The following RAI14 variants were observed in gnomAD, a reference collection of about 807,000 sequenced individuals.
The protein encoded by RAI14 is ankycorbin.
RAI14 carries 45 observed loss-of-function variants against 115.4 expected under a neutral mutation model. The observed-to-expected ratio is 0.39, with a 90% CI of 0.31 to 0.50. The LOEUF (loss-of-function observed/expected upper bound fraction) is 0.50. Ranked by LOEUF, RAI14 falls within the 20% of genes least tolerant of loss-of-function variation. The pLI, the probability that RAI14 is intolerant of heterozygous loss-of-function variation, is 0.85. For missense variants in RAI14, 939 were observed against 1,131.2 expected (o/e 0.83, Z 2.44); for synonymous variants, 371 against 415.4 (o/e 0.89, Z 1.30).
intron 16 of RAI14, among the ~76,000 whole-genome samples, chr5:34,828,420 A>G (rs1757664491): frequency 6.6e-6 from 1 of 152,186 alleles, no homozygotes; most frequent in African/African-American, 2.4e-5. Flanking sequence ...ATAGAAAGGA[A>G]GCCAGATCAG....
intron 15 of RAI14, 140 bp downstream of exon 15, chr5:34,824,631 C>A: frequency 1.4e-6 from 1 of 708,326 alleles, no homozygotes; most frequent in Non-Finnish European, 2.2e-6. Context: ...TATCTGTCAC[C>A]AAAGCCACAT....
chr5:34,824,469 T>A lies in RAI14; in HGVS notation c.2627T>A (p.Leu876Gln), dbSNP rs371511222. 1.3e-5 allele frequency: 20 copies of A among 1,578,804 alleles called. 1 individual carries two copies. The African/African-American group carries it at 2.2e-4, about 17-fold the overall frequency. ...AGATACGCTGAGAGCTCTTCAAAACTGGAGGAAGATAAAGATAAAAAGGTT... is the reference window on the plus strand; with the variant it reads ...AGATACGCTGAGAGCTCTTCAAAACAGGAGGAAGATAAAGATAAAAAGGTT... Reference protein sequence around the residue: ...MKRYAESSSKLEEDKDKKINE... With the variant: ...MKRYAESSSKQEEDKDKKINE... Residue 876 changes from leucine to glutamine, a missense_variant, in exon 15 of 18, where the codon CTG becomes CAG. Physicochemically the swap from Leu to Gln is moderately radical, Grantham distance 113. Coordinates refer to ENST00000265109, the MANE Select transcript of RAI14 (RefSeq NM_015577.3).
Position 34,664,166 on chromosome 5 carries a change from T to C in RAI14, c.-49+7691T>C, listed in dbSNP as rs574862216. 1.9e-4 allele frequency among the ~76,000 whole-genome samples: 29 copies of C among 152,136 alleles called. No individual in the cohort carries two copies. In the Middle Eastern group the frequency reaches 0.017, roughly 89 times the overall value. On this transcript the variant is annotated intron_variant, in intron 1 of 17. Transcript: ENST00000265109. ...AGGAAATACATGGGCTCTTTTTTTT[T>C]CTTTCCTTATTTATTTATTTATTTT...
At chr5:34,740,358 C>T (rs1182757148) in intron 2 of RAI14, among the ~76,000 whole-genome samples, 1 of 152,142 alleles carries the variant, frequency 6.6e-6, no homozygotes, top group African/African-American at 2.4e-5. Flanking sequence ...TTACTTGAGT[C>T]GAATTTTCCT....
At chr5:34,796,160 T>A in intron 4 of RAI14, 133 bp downstream of exon 4, 1 of 662,660 alleles carries the variant, frequency 1.5e-6, no homozygotes, top group Non-Finnish European at 2.6e-6. Flanking sequence ...TCTGCGAGGG[T>A]GAGGTGTGTG....
At chr5:34,796,361 GC>G (rs1389167562) in intron 4 of RAI14, among the ~76,000 whole-genome samples, 1 of 149,300 alleles carries the variant, frequency 6.7e-6, no homozygotes, top group African/African-American at 2.5e-5. Context: ...TTGTGCCACT[GC>G]ACTCCAGCCT....
intron 2 of RAI14, among the ~76,000 whole-genome samples, chr5:34,699,431 CT>C (rs1357256023): frequency 6.6e-6 from 1 of 152,162 alleles, no homozygotes; most frequent in Non-Finnish European, 1.5e-5. Flanking sequence ...TGCTGGCAAT[CT>C]TTGGTGTTTC....
In RAI14 at chr5:34,716,411, AT is replaced by A. The variant is rs879859980; in HGVS notation, c.36+29470del. On this transcript the variant is annotated intron_variant, in intron 2 of 17. Coordinates refer to ENST00000265109, the MANE Select transcript of RAI14 (RefSeq NM_015577.3). ...GTAGCTAATTACAAGTTTTGGGTTA[AT>A]TTTTTTTTTTTTTAATTGAGACAGA... Among the ~76,000 whole-genome samples, 423 of 143,616 alleles carry A rather than the reference AT, an allele frequency of 2.9e-3. 4 individuals carry two copies. Among genetic ancestry groups the A allele is most frequent in the South Asian group, 0.012 (55 of 4,490 alleles). 94.2% of individuals were successfully genotyped at this position (143,616 alleles called of 152,430 possible).
chr5:34,768,360 A>T (rs1749698791), intron 3 of RAI14, among the ~76,000 whole-genome samples: 1 of 152,174 alleles, frequency 6.6e-6, no homozygotes, highest in African/African-American at 2.4e-5. Flanking sequence ...CGATAACAGA[A>T]ATCAGATAAA....
intron 2 of RAI14, among the ~76,000 whole-genome samples, chr5:34,708,444 C>T (rs536070441): frequency 6.6e-6 from 1 of 152,240 alleles, no homozygotes; most frequent in East Asian, 1.9e-4. Flanking sequence ...TCAGGTGATC[C>T]GCCCGCCCCA....
intron 3 of RAI14, among the ~76,000 whole-genome samples, chr5:34,787,390 C>A (rs1752424237): frequency 6.6e-6 from 1 of 152,170 alleles, no homozygotes; most frequent in Admixed American, 6.5e-5. Flanking sequence ...TGCAGCATAT[C>A]CATACAATTT....
chr5:34,829,701 T>C, intron 16 of RAI14, 31 bp from the exon 17 acceptor site: 1 of 1,569,152 alleles, frequency 6.4e-7, no homozygotes, highest in Non-Finnish European at 8.7e-7. Flanking sequence ...TCTCTTAAGC[T>C]CATTAATAAT....
chr5:34,808,434 A>C, intron 6 of RAI14, 150 bp from the exon 7 acceptor site: 1 of 726,672 alleles, frequency 1.4e-6, no homozygotes, highest in Non-Finnish European at 2.3e-6. Context: ...CTCACTCCTA[A>C]CCTTCCTAAT....
intron 2 of RAI14, among the ~76,000 whole-genome samples, chr5:34,755,935 G>C (rs72730575): frequency 2.6e-5 from 4 of 152,178 alleles, no homozygotes; most frequent in African/African-American, 9.7e-5. Flanking sequence ...GTAAGTGTCA[G>C]TCTGGAGTTC....
intron 2 of RAI14, among the ~76,000 whole-genome samples, chr5:34,749,069 G>A (rs1408921517): frequency 5.3e-5 from 8 of 152,160 alleles, no homozygotes; most frequent in Admixed American, 3.9e-4. Context: ...TGAGGTGTGC[G>A]CAAGATTTTT....
chr5:34,658,039 C>T (rs1473940824), intron 1 of RAI14, among the ~76,000 whole-genome samples: 1 of 152,188 alleles, frequency 6.6e-6, no homozygotes, highest in Non-Finnish European at 1.5e-5. Flanking sequence ...CAGTGCTTGT[C>T]TAACAGAGAT....
At chr5:34,813,942 C>T (rs1755887558) in intron 11 of RAI14, among the ~76,000 whole-genome samples, 1 of 151,926 alleles carries the variant, frequency 6.6e-6, no homozygotes, top group Non-Finnish European at 1.5e-5. Context: ...AGAAACTTTC[C>T]CTTAAGATAA....
intron 3 of RAI14, among the ~76,000 whole-genome samples, chr5:34,789,796 CAT>C (rs1280701154): frequency 1.3e-5 from 2 of 152,156 alleles, no homozygotes; most frequent in Non-Finnish European, 2.9e-5. Flanking sequence ...TGCTTTTACA[CAT>C]AATTCTTGTA....
chr5:34,670,097 T>C (rs1051900583), intron 1 of RAI14, among the ~76,000 whole-genome samples: 1 of 152,252 alleles, frequency 6.6e-6, no homozygotes, highest in Non-Finnish European at 1.5e-5. Context: ...AGGAATGGAA[T>C]GCCTTTTGCA....
Sources: gnomAD v4.1 joint callset for allele counts (sites outside exome capture counted in the v4.1 genomes callset) on GRCh38, gnomAD v4.1.1 for gene constraint, MANE v1.5 for transcripts, NCBI Gene and HGNC (gene_info 2026-07-23, HGNC 2026-07-21) for gene names.